The following MRAP variants were observed in gnomAD, a reference collection of about 807,000 sequenced individuals.
MRAP encodes the protein melanocortin 2 receptor accessory protein.
A neutral mutation model predicts 8.7 loss-of-function variants in MRAP; 8 were observed. The ratio of observed to expected loss-of-function variants is 0.92; its 90% confidence interval spans 0.54 to 1.66. The LOEUF is 1.66. MRAP is among the 40% of genes most tolerant of loss of function. The pLI, the probability that MRAP is intolerant of heterozygous loss-of-function variation, is 0.00. For missense variants in MRAP, 237 were observed against 217.1 expected (o/e 1.09, Z -0.58); for synonymous variants, 95 against 95.5 (o/e 1.00, Z 0.03).
intron 2 of MRAP, among the ~76,000 whole-genome samples, chr21:32,293,648 A>G (rs576221617): frequency 6.6e-6 from 1 of 152,182 alleles, no homozygotes; most frequent in South Asian, 2.1e-4. Flanking sequence ...TTCTCTCCAC[A>G]CTCAATCTGT....
At chr21:32,299,125 G>A (rs955050077) in intron 1 of MRAP, 48 bp downstream of exon 1, 1 of 1,488,580 alleles carries the variant, frequency 6.7e-7, no homozygotes, top group Middle Eastern at 1.7e-4. Context: ...GGGGGCCGGG[G>A]CCCAAATGAC....
At chr21:32,309,612 C>T (rs932233052) in intron 2 of MRAP, among the ~76,000 whole-genome samples, 10 of 150,986 alleles carry the variant, frequency 6.6e-5, no homozygotes, top group African/African-American at 2.4e-4. Flanking sequence ...CCACGACGCA[C>T]AGCTAATTTT....
At position 32,311,977 on chromosome 21, in the gene MRAP, CCT is replaced by C. The variant is rs1189165562; in HGVS notation, c.504_505del (p.Gln169IlefsTer13). 6.2e-7 allele frequency: 1 copy of C among 1,613,234 alleles called. No homozygotes were observed. Among genetic ancestry groups the C allele is most frequent in the African/African-American group, 1.3e-5 (1 of 74,940 alleles). ...AGCGAGCCTCCCCCTGGAGACAGGA[CCT>C]CTCAATTGCAGAGCTGATGTCAGTA... On this transcript the variant is annotated frameshift_variant, in exon 3 of 3. Transcript: ENST00000303645. LOFTEE classifies it high-confidence loss of function.
chr21:32,308,566 C>T (rs1230027511), intron 2 of MRAP: 3 of 152,614 alleles, frequency 2.0e-5, no homozygotes, highest in African/African-American at 7.2e-5. Flanking sequence ...CTGACACATC[C>T]AATGTTCCCT....
chr21:32,303,702 A>T (rs955111547), intron 1 of MRAP, among the ~76,000 whole-genome samples: 1 of 152,242 alleles, frequency 6.6e-6, no homozygotes, highest in East Asian at 1.9e-4. Context: ...CTGTTGGGAA[A>T]ACCAGCCTAG....
intron 1 of MRAP, 87 bp from the exon 2 acceptor site, chr21:32,306,553 C>G: frequency 9.0e-7 from 1 of 1,110,688 alleles, no homozygotes; most frequent in Non-Finnish European, 1.4e-6. Flanking sequence ...GCCCTCATTC[C>G]ACAATACCCT....
At chr21:32,304,002 A>C (rs2032345862) in intron 1 of MRAP, among the ~76,000 whole-genome samples, 1 of 152,202 alleles carries the variant, frequency 6.6e-6, no homozygotes, top group South Asian at 2.1e-4. Context: ...GGATGACGAT[A>C]AGGACTCAGA....
In MRAP at chr21:32,299,059, A is replaced by C. The variant is rs751480052; in HGVS notation, c.88A>C (p.Lys30Gln). ...GGACCTCATTCCCGTGGACGAGAAGAAGCTGAAAGCCCACAAACGTAAGTC... is the reference window on the plus strand; with the variant it reads ...GGACCTCATTCCCGTGGACGAGAAGCAGCTGAAAGCCCACAAACGTAAGTC... ...YLDLIPVDEK[K>Q]LKAHKHSIVI... Residue 30 changes from lysine (K) to glutamine (Q), a missense_variant, in exon 1 of 3, where the codon AAG becomes CAG. Transcript: ENST00000303645. 6.2e-7 allele frequency: 1 copy of C among 1,614,044 alleles called. No individual in the cohort carries two copies. The highest frequency in any genetic ancestry group is 1.1e-5 in the South Asian group (1 of 91,080).
chr21:32,303,376 T>G (rs1301880353), intron 1 of MRAP, among the ~76,000 whole-genome samples: 1 of 152,168 alleles, frequency 6.6e-6, no homozygotes, highest in Admixed American at 6.5e-5. Flanking sequence ...AAAACAGAAG[T>G]GTCTACTATA....
chr21:32,308,299 C>T (rs963389680), intron 2 of MRAP, among the ~76,000 whole-genome samples: 10 of 151,814 alleles, frequency 6.6e-5, no homozygotes, highest in South Asian at 2.1e-4. Context: ...ATCGCTTGAA[C>T]GCAGGAGGCA....
At chr21:32,312,520 T>C, downstream of MRAP, 1 of 189,204 alleles carries the variant, frequency 5.3e-6, no homozygotes, top group Non-Finnish European at 1.1e-5. Flanking sequence ...CCACAGCCTT[T>C]CAAAGACAGA....
intron 1 of MRAP, among the ~76,000 whole-genome samples, chr21:32,300,808 CA>C (rs764594838): frequency 1.9e-3 from 272 of 145,568 alleles, no homozygotes; most frequent in Non-Finnish European, 3.0e-3. Context: ...CATCCTATGT[CA>C]GGGGCGTCAT....
rs748843176 is a variant in MRAP at position 32,311,887 on chromosome 21, A to G, written c.410A>G (p.Gln137Arg). 10 of 1,614,036 alleles carry G rather than the reference A, an allele frequency of 6.2e-6. 1 individual carries two copies. The South Asian group carries it at 1.1e-4, about 18-fold the overall frequency. ...SSSTLPLGGF[Q>R]THPTLLWELT... ...TCCACCTTGCCCCTCGGGGGTTTCC[A>G]GACCCACCCCACTCTCCTCTGGGAA... Residue 137 changes from glutamine to arginine, a missense_variant, in exon 3 of 3, where the codon CAG becomes CGG. Gln to Arg is a conservative substitution (Grantham distance 43). Coordinates refer to ENST00000303645, the MANE Select transcript of MRAP (RefSeq NM_001379228.1).
At chr21:32,314,382 A>G (rs888788220), downstream of MRAP, 6 of 594,964 alleles carry the variant, frequency 1.0e-5, no homozygotes, top group Admixed American at 1.4e-4. Flanking sequence ...ATGGGGTTTC[A>G]CCATGTTGGG....
chr21:32,299,049 GGAC>G lies in MRAP; in HGVS notation c.81_83del (p.Asp27del), dbSNP rs1488711601. The G allele has an allele frequency of 6.2e-7, 1 of 1,614,002 alleles. No homozygotes were observed. Among genetic ancestry groups the G allele is most frequent in the Non-Finnish European group, 8.5e-7 (1 of 1,179,988 alleles). On this transcript the variant is annotated inframe_deletion, in exon 1 of 3. Transcript: ENST00000303645. ...TGGACTATCTGGACCTCATTCCCGT[GGAC>G]GAGAAGAAGCTGAAAGCCCACAAAC...
At chr21:32,311,417 C>T (rs948746548) in intron 2 of MRAP, 16 of 292,146 alleles carry the variant, frequency 5.5e-5, no homozygotes, top group African/African-American at 3.5e-4. Flanking sequence ...CACCCCCCAC[C>T]CCCCCCATCC....
intron 1 of MRAP, among the ~76,000 whole-genome samples, chr21:32,300,984 TATATC>T (rs553157541): frequency 2.8e-5 from 4 of 144,018 alleles, no homozygotes; most frequent in East Asian, 3.9e-4. Context: ...TCATATTTCA[TATATC>T]ATGATATATG....
At chr21:32,309,249 TG>T (rs1015280469) in intron 2 of MRAP, among the ~76,000 whole-genome samples, 3 of 151,782 alleles carry the variant, frequency 2.0e-5, no homozygotes, top group African/African-American at 7.3e-5. Context: ...GTTGCCACAC[TG>T]GGGACCAGGT....
intron 2 of MRAP, 112 bp downstream of exon 2, chr21:32,306,851 T>C (rs2032433242): frequency 1.1e-6 from 1 of 898,590 alleles, no homozygotes; most frequent in Non-Finnish European, 1.8e-6. Context: ...TGTTTCAGAT[T>C]TGGGATTTAA....
Sources: allele counts gnomAD v4.1 joint callset (sites outside exome capture counted in the v4.1 genomes callset), GRCh38; gene constraint gnomAD v4.1.1; transcripts MANE v1.5; gene names NCBI Gene and HGNC (gene_info 2026-07-23, HGNC 2026-07-21).